The following CDH22 variants were observed in gnomAD, a reference collection of about 807,000 sequenced individuals.
The protein encoded by CDH22 is cadherin-22.
Under a neutral mutation model 58.4 loss-of-function variants are expected in CDH22, and 30 were observed. The observed-to-expected ratio is 0.51, with a 90% CI of 0.38 to 0.70. CDH22 has a LOEUF of 0.70. Among genes scored for constraint, CDH22 ranks in the 30% least tolerant of loss-of-function variants. CDH22 has a pLI of 0.00. For synonymous variants in CDH22, 513 were observed against 558.2 expected (o/e 0.92, Z 1.14); for missense variants, 1,014 against 1,233.9 (o/e 0.82, Z 2.67).
chr20:46,236,572 TTATA>T (rs1211674722), intron 3 of CDH22, among the ~76,000 whole-genome samples: 2 of 142,876 alleles, frequency 1.4e-5, no homozygotes, highest in Non-Finnish European at 3.0e-5. Flanking sequence ...TAAATATATA[TTATA>T]TATAAATATA....
intron 8 of CDH22, among the ~76,000 whole-genome samples, chr20:46,192,048 A>T (rs2085864970): frequency 6.6e-6 from 1 of 152,126 alleles, no homozygotes; most frequent in Non-Finnish European, 1.5e-5. Context: ...GCCCTTTGCC[A>T]TCCTACCAAA....
chr20:46,302,561 G>C (rs188555048), intron 1 of CDH22, among the ~76,000 whole-genome samples: 30 of 152,226 alleles, frequency 2.0e-4, no homozygotes, highest in African/African-American at 7.2e-4. Context: ...GTCCAAGAAG[G>C]CTTCTGGGGA....
chr20:46,243,624 C>G (rs2086308440), intron 2 of CDH22, among the ~76,000 whole-genome samples: 1 of 152,148 alleles, frequency 6.6e-6, no homozygotes, highest in Non-Finnish European at 1.5e-5. Context: ...GATGAGGAGA[C>G]CTGTCTCTCC....
chr20:46,279,762 G>A (rs1014943206), intron 1 of CDH22, among the ~76,000 whole-genome samples: 27 of 152,114 alleles, frequency 1.8e-4, no homozygotes, highest in Admixed American at 9.8e-4. Context: ...AATGGATTCA[G>A]GTATTTCTTA....
chr20:46,285,399 G>T (rs2086571800), intron 1 of CDH22, among the ~76,000 whole-genome samples: 2 of 152,308 alleles, frequency 1.3e-5, no homozygotes, highest in South Asian at 2.1e-4. Context: ...AACCAGGGGG[G>T]ACCTTGCGAC....
intron 1 of CDH22, among the ~76,000 whole-genome samples, chr20:46,263,911 G>A (rs1049350441): frequency 1.3e-5 from 2 of 152,192 alleles, no homozygotes; most frequent in Admixed American, 6.5e-5. Flanking sequence ...CTGGGGACCC[G>A]TGAGAAGGTG....
chr20:46,270,398 C>G (rs963886103), intron 1 of CDH22, among the ~76,000 whole-genome samples: 1 of 152,138 alleles, frequency 6.6e-6, no homozygotes, highest in Non-Finnish European at 1.5e-5. Context: ...GACAGATAGG[C>G]AGCACTGAGC....
At chr20:46,257,550 G>A (rs2868714) in intron 1 of CDH22, among the ~76,000 whole-genome samples, 78,024 of 151,968 alleles carry the variant, frequency 0.51, 20,129 homozygotes, top group South Asian at 0.58. Flanking sequence ...CAATGATGGC[G>A]TTTCCTTTCA....
chr20:46,217,769 ACACT>A lies in CDH22; in HGVS notation c.671-780_671-777del, dbSNP rs571452858. On this transcript the variant is annotated intron_variant, in intron 4 of 11. Coordinates refer to ENST00000537909, the MANE Select transcript of CDH22 (RefSeq NM_021248.3). ...CACAAACAGATACACTCTCAAATAC[ACACT>A]CAATGATCCACACACATTCACACAT... is the stretch of plus-strand genomic sequence containing the variant. Among the ~76,000 whole-genome samples, 153 of 152,180 alleles carry A rather than the reference ACACT, an allele frequency of 1.0e-3. 1 individual carries two copies. Among genetic ancestry groups the A allele is most frequent in the African/African-American group, 3.4e-3 (142 of 41,530 alleles).
chr20:46,211,232 C>T (rs1468978519), intron 6 of CDH22, among the ~76,000 whole-genome samples: 1 of 152,240 alleles, frequency 6.6e-6, no homozygotes, highest in Non-Finnish European at 1.5e-5. Flanking sequence ...TCTAAAGACA[C>T]TGCCTATAGC....
At chr20:46,223,799 CTTCTTCCT>C (rs1271015579) in intron 4 of CDH22, among the ~76,000 whole-genome samples, 32 of 101,800 alleles carry the variant, frequency 3.1e-4, no homozygotes, top group South Asian at 1.0e-3. Context: ...TTCTTTCTTT[CTTCTTCCT>C]TTCTTCCTTT....
intron 11 of CDH22, among the ~76,000 whole-genome samples, chr20:46,176,213 AC>A (rs2085737505): frequency 6.6e-6 from 1 of 152,102 alleles, no homozygotes; most frequent in African/African-American, 2.4e-5. Context: ...TTTGGTCTCA[AC>A]AGCTTTAAAA....
intron 8 of CDH22, among the ~76,000 whole-genome samples, chr20:46,192,709 C>T (rs907825590): frequency 6.6e-6 from 1 of 152,092 alleles, no homozygotes; most frequent in Non-Finnish European, 1.5e-5. Context: ...TCCCTCCTCC[C>T]CGAGGGAGTT....
At chr20:46,292,916 TTGTGTGTG>T (rs74176860) in intron 1 of CDH22, among the ~76,000 whole-genome samples, 13 of 143,922 alleles carry the variant, frequency 9.0e-5, no homozygotes, top group South Asian at 2.3e-4. Context: ...CAGCCACTGG[TTGTGTGTG>T]TGTGTGTGTG....
chr20:46,307,612 G>A (rs931211587), intron 1 of CDH22, among the ~76,000 whole-genome samples: 8 of 152,194 alleles, frequency 5.3e-5, no homozygotes, highest in Middle Eastern at 3.4e-3. Flanking sequence ...GCGCCGGTGG[G>A]GCCGGCAGGG....
intron 4 of CDH22, among the ~76,000 whole-genome samples, chr20:46,224,318 G>A (rs895397946): frequency 6.6e-6 from 1 of 152,206 alleles, no homozygotes; most frequent in Admixed American, 6.5e-5. Context: ...CATTCCTAGT[G>A]CCTAGCACAG....
At chr20:46,226,113 G>A (rs1346580593) in intron 4 of CDH22, among the ~76,000 whole-genome samples, 3 of 151,982 alleles carry the variant, frequency 2.0e-5, no homozygotes, top group Non-Finnish European at 4.4e-5. Context: ...CCTGATTGCC[G>A]AAGCCTGAGC....
At chr20:46,177,570 T>C (rs2085750163) in intron 11 of CDH22, among the ~76,000 whole-genome samples, 1 of 152,108 alleles carries the variant, frequency 6.6e-6, no homozygotes, top group South Asian at 2.1e-4. Flanking sequence ...AGCGCTTTCA[T>C]CTGAAAAATG....
chr20:46,254,421 G>C (rs916508883), intron 1 of CDH22, among the ~76,000 whole-genome samples: 5 of 151,990 alleles, frequency 3.3e-5, no homozygotes, highest in Non-Finnish European at 2.9e-5. Context: ...CAGGCATGGT[G>C]GTGGGTGCCT....
Sources: allele counts gnomAD v4.1 joint callset (sites outside exome capture counted in the v4.1 genomes callset), GRCh38; gene constraint gnomAD v4.1.1; transcripts MANE v1.5; gene names NCBI Gene and HGNC (gene_info 2026-07-23, HGNC 2026-07-21).